CNNM2: variants seen among roughly 807,000 people sequenced by gnomAD.
CNNM2 encodes the protein cyclin and CBS domain divalent metal cation transport mediator 2, also known as metal transporter CNNM2.
A neutral mutation model predicts 66.9 loss-of-function variants in CNNM2; 12 were observed. The ratio of observed to expected loss-of-function variants is 0.18; its 90% CI spans 0.11 to 0.29. The LOEUF is 0.29. CNNM2 is among the 10% of genes least tolerant of loss of function. CNNM2 has a pLI of 1.00. For synonymous variants in CNNM2, 557 were observed against 501.8 expected, an observed-to-expected ratio of 1.11 and a Z score of -1.47; for missense variants, 705 against 1,167.7, an observed-to-expected ratio of 0.60 and a Z score of 5.77.
intron 1 of CNNM2, among the ~76,000 whole-genome samples, chr10:102,937,852 T>C (rs1846296568): frequency 6.6e-6 from 1 of 151,806 alleles, no homozygotes; most frequent in East Asian, 2.0e-4. Flanking sequence ...CTCAAACTAT[T>C]GGGCTCAAAC....
intron 1 of CNNM2, among the ~76,000 whole-genome samples, chr10:102,929,216 TGCCACTGTACTCC>T (rs1845980692): frequency 6.6e-6 from 1 of 152,104 alleles, no homozygotes. Flanking sequence ...GCCGAGATCA[TGCCACTGTACTCC>T]GCCTGTGCGA....
At chr10:102,978,122 G>C (rs2134226138) in intron 1 of CNNM2, among the ~76,000 whole-genome samples, 1 of 151,704 alleles carries the variant, frequency 6.6e-6, no homozygotes, top group Admixed American at 6.6e-5. Context: ...TGTTGGCCAG[G>C]CTGGTCTCAA....
chr10:103,039,065 C>G (rs1007131586), intron 1 of CNNM2, among the ~76,000 whole-genome samples: 3 of 151,866 alleles, frequency 2.0e-5, no homozygotes, highest in African/African-American at 7.3e-5. Flanking sequence ...ACAGAAATAG[C>G]TAGGTGATAG....
chr10:103,040,904 T>C (rs2065028695), intron 1 of CNNM2, among the ~76,000 whole-genome samples: 1 of 152,182 alleles, frequency 6.6e-6, no homozygotes, highest in African/African-American at 2.4e-5. Flanking sequence ...AGACCTGAAC[T>C]AAGATTCCAG....
At chr10:103,034,987 A>T (rs201625363) in intron 1 of CNNM2, among the ~76,000 whole-genome samples, 1 of 147,610 alleles carries the variant, frequency 6.8e-6, no homozygotes, top group Non-Finnish European at 1.5e-5. Flanking sequence ...AAAAAAAAAA[A>T]AAATCTCCTA....
At chr10:102,991,266 A>G (rs930546563) in intron 1 of CNNM2, among the ~76,000 whole-genome samples, 1 of 152,050 alleles carries the variant, frequency 6.6e-6, no homozygotes, top group Non-Finnish European at 1.5e-5. Flanking sequence ...GGGATTACGG[A>G]TGTGACTCGC....
chr10:103,079,849 A>G lies in CNNM2; in HGVS notation c.*2669A>G, dbSNP rs1047293883. ...GGGAGAGCTTAGGACCCTTCAAACA[A>G]CACTCATGTCTGAGCGGCCAGATTC... On this transcript the variant is annotated 3_prime_UTR_variant, in exon 8 of 8. Coordinates refer to ENST00000369878, the MANE Select transcript of CNNM2 (RefSeq NM_017649.5). 2.0e-5 allele frequency: 3 copies of G among 152,174 alleles called. No individual in the cohort carries two copies. The highest frequency in any genetic ancestry group is 2.0e-4 in the Admixed American group (3 of 15,272). The allele number at this position is 152,174 out of a possible 1,614,324, so 9.4% of individuals were successfully genotyped here. A position where few individuals can be genotyped will look rare whatever the true frequency, so the allele number is the denominator to read the frequency against.
At chr10:103,009,739 G>A (rs2064303775) in intron 1 of CNNM2, among the ~76,000 whole-genome samples, 1 of 149,044 alleles carries the variant, frequency 6.7e-6, no homozygotes, top group Admixed American at 6.7e-5. Context: ...GGGAGATATT[G>A]AAAATCATCT....
chr10:103,016,846 T>C (rs2134279645), intron 1 of CNNM2, among the ~76,000 whole-genome samples: 1 of 152,316 alleles, frequency 6.6e-6, no homozygotes, highest in South Asian at 2.1e-4. Context: ...TCAGACGCTC[T>C]GCTGGCCCCT....
chr10:103,068,578 C>A, intron 4 of CNNM2, 51 bp from the exon 5 acceptor site: 1 of 1,410,604 alleles, frequency 7.1e-7, no homozygotes, highest in Non-Finnish European at 9.9e-7. Flanking sequence ...ACAGAGTGTG[C>A]CAGTAGGCTT....
intron 1 of CNNM2, among the ~76,000 whole-genome samples, chr10:103,025,133 C>T (rs1176658315): frequency 6.6e-6 from 1 of 152,104 alleles, no homozygotes; most frequent in Non-Finnish European, 1.5e-5. Flanking sequence ...GCCCTGTCAC[C>T]CAGGCTGGAG....
Position 102,981,357 on chromosome 10 carries a change from A to C in CNNM2, c.1621+61256A>C, listed in dbSNP as rs12260436. On this transcript the variant is annotated intron_variant, in intron 1 of 7. Coordinates refer to ENST00000369878, the MANE Select transcript of CNNM2 (RefSeq NM_017649.5). The stretch of plus-strand genomic sequence containing the variant: ...AGAGCGAGACCAGTCTCAAAAAAAA[A>C]CCCCAAAACAAATAATTCCCTTCCT... Among the ~76,000 whole-genome samples, 44,296 of 151,194 alleles carry C rather than the reference A, an allele frequency of 0.29. 6,613 individuals are homozygous for C. The highest frequency in any genetic ancestry group is 0.42 in the East Asian group (2,148 of 5,118).
chr10:103,025,041 G>C (rs1468854837), intron 1 of CNNM2, among the ~76,000 whole-genome samples: 1 of 152,090 alleles, frequency 6.6e-6, no homozygotes, highest in African/African-American at 2.4e-5. Flanking sequence ...TTTTAAATTT[G>C]ATCACTTGAT....
At chr10:102,954,851 A>G (rs778161362) in intron 1 of CNNM2, among the ~76,000 whole-genome samples, 5 of 152,268 alleles carry the variant, frequency 3.3e-5, no homozygotes, top group Non-Finnish European at 4.4e-5. Context: ...CTTCAAGGAA[A>G]ACTACAAACC....
chr10:102,924,111 A>G (rs1363127703), intron 1 of CNNM2, among the ~76,000 whole-genome samples: 1 of 152,244 alleles, frequency 6.6e-6, no homozygotes, highest in African/African-American at 2.4e-5. Context: ...GAATAAATTC[A>G]GTAAATACCG....
chr10:102,994,709 C>T (rs2063957197), intron 1 of CNNM2, among the ~76,000 whole-genome samples: 1 of 152,250 alleles, frequency 6.6e-6, no homozygotes, highest in Non-Finnish European at 1.5e-5. Context: ...ACAGTAAATA[C>T]CCAGGCCTTG....
chr10:102,931,725 C>A (rs1466480134), intron 1 of CNNM2, among the ~76,000 whole-genome samples: 1 of 151,730 alleles, frequency 6.6e-6, no homozygotes, highest in Non-Finnish European at 1.5e-5. Flanking sequence ...TATGGTAATT[C>A]TATTAACTTT....
At chr10:103,036,509 T>C (rs898675592) in intron 1 of CNNM2, among the ~76,000 whole-genome samples, 1 of 152,198 alleles carries the variant, frequency 6.6e-6, no homozygotes, top group Non-Finnish European at 1.5e-5. Context: ...CATCAACACA[T>C]TGGGAGAAGC....
chr10:102,919,500 G>C lies in CNNM2; in HGVS notation c.1020G>C (p.Ser340=). The C allele has an allele frequency of 3.1e-6, 5 of 1,612,746 alleles. No homozygotes were observed. The highest frequency in any genetic ancestry group is 4.2e-6 in the Non-Finnish European group (5 of 1,180,032). Residue 340 remains serine (S), a synonymous_variant, in exon 1 of 8, where the codon TCG becomes TCC. Transcript: ENST00000369878. ...LTILLDDIAG[S]GLVAVVVSTI... is the part of the protein sequence containing the mutation. Reference sequence around the variant, plus strand: ...TCCTGCTCGACGACATCGCCGGCTCGGGCCTCGTGGCCGTGGTAGTCTCCA... The same window carrying C: ...TCCTGCTCGACGACATCGCCGGCTCCGGCCTCGTGGCCGTGGTAGTCTCCA...
Sources: gnomAD v4.1 joint callset for allele counts (sites outside exome capture counted in the v4.1 genomes callset) on GRCh38, gnomAD v4.1.1 for gene constraint, MANE v1.5 for transcripts, NCBI Gene and HGNC (gene_info 2026-07-23, HGNC 2026-07-21) for gene names.